The following PXDNL variants were observed in gnomAD, a reference collection of about 807,000 sequenced individuals.
PXDNL encodes the protein probable oxidoreductase PXDNL.
Under a neutral mutation model 150.8 loss-of-function variants are expected in PXDNL, and 145 were observed. The ratio of observed to expected loss-of-function variants is 0.96; its 90% CI spans 0.84 to 1.10. The LOEUF (loss-of-function observed/expected upper bound fraction) is 1.10. Ranked by LOEUF, PXDNL falls within the 50% of genes least tolerant of loss-of-function variation. The pLI is 0.00. For missense variants in PXDNL, 2,087 were observed against 1,873.9 expected, an observed-to-expected ratio of 1.11 and a Z score of -2.10; for synonymous variants, 757 against 725.7, an observed-to-expected ratio of 1.04 and a Z score of -0.69.
chr8:51,535,741 A>AT (rs1189603264), intron 4 of PXDNL, among the ~76,000 whole-genome samples: 1 of 147,314 alleles, frequency 6.8e-6, no homozygotes, highest in African/African-American at 2.6e-5. Flanking sequence ...AAATAAATAA[A>AT]AATAAAGTTT....
chr8:51,370,613 G>A (rs969851297), intron 19 of PXDNL, among the ~76,000 whole-genome samples: 2 of 152,114 alleles, frequency 1.3e-5, no homozygotes, highest in African/African-American at 4.8e-5. Flanking sequence ...CGTGACTCAG[G>A]TGTCATTGAG....
intron 2 of PXDNL, among the ~76,000 whole-genome samples, chr8:51,628,198 T>C (rs984975410): frequency 1.1e-4 from 16 of 152,022 alleles, no homozygotes; most frequent in Non-Finnish European, 1.9e-4. Context: ...TGTTTGCATT[T>C]TTTGGCTGAT....
chr8:51,565,928 T>C (rs1374664410), intron 3 of PXDNL, among the ~76,000 whole-genome samples: 1 of 151,894 alleles, frequency 6.6e-6, no homozygotes, highest in Non-Finnish European at 1.5e-5. Flanking sequence ...TTAAGCATTA[T>C]ATTAGCCATA....
At chr8:51,593,321 A>G (rs1178736228) in intron 2 of PXDNL, among the ~76,000 whole-genome samples, 1 of 152,202 alleles carries the variant, frequency 6.6e-6, no homozygotes, top group Non-Finnish European at 1.5e-5. Flanking sequence ...TGAAAGCTTC[A>G]GTAAAAGCAC....
At chr8:51,632,393 G>C (rs1814510652) in intron 2 of PXDNL, among the ~76,000 whole-genome samples, 1 of 152,082 alleles carries the variant, frequency 6.6e-6, no homozygotes, top group Non-Finnish European at 1.5e-5. Context: ...TTGAGCCCAG[G>C]AGTTCAAGAC....
intron 3 of PXDNL, among the ~76,000 whole-genome samples, chr8:51,559,796 A>G (rs554255158): frequency 7.2e-5 from 11 of 152,016 alleles, no homozygotes; most frequent in Non-Finnish European, 1.3e-4. Flanking sequence ...CCTTGCTAGC[A>G]TGGGGTAACT....
intron 3 of PXDNL, among the ~76,000 whole-genome samples, chr8:51,565,490 G>A (rs147995529): frequency 5.3e-4 from 80 of 151,560 alleles, no homozygotes; most frequent in African/African-American, 1.5e-3. Context: ...TAGGTACTCT[G>A]CACACTATAT....
At position 51,801,552 on chromosome 8, in the gene PXDNL, G is replaced by A. The variant is rs137924024; in HGVS notation, c.164+7629C>T. On this transcript the variant is annotated intron_variant, in intron 1 of 22. Coordinates refer to ENST00000356297, the MANE Select transcript of PXDNL (RefSeq NM_144651.5). ...CCTACTGATATGTGATGTCACCCCC[G>A]GAGGCCCAGCTGTAAAATTCCTCTC... Among the ~76,000 whole-genome samples the A allele has an allele frequency of 7.9e-3, 1,196 of 152,160 alleles. 17 individuals are homozygous for A. Among genetic ancestry groups the A allele is most frequent in the African/African-American group, 0.027 (1,128 of 41,498 alleles).
At chr8:51,523,499 C>T (rs1386415953) in intron 4 of PXDNL, among the ~76,000 whole-genome samples, 1 of 152,188 alleles carries the variant, frequency 6.6e-6, no homozygotes, top group Admixed American at 6.5e-5. Flanking sequence ...TCAGTTCTGT[C>T]TCAAATATCT....
intron 17 of PXDNL, among the ~76,000 whole-genome samples, chr8:51,377,999 C>T (rs1807395375): frequency 6.6e-6 from 1 of 152,222 alleles, no homozygotes; most frequent in East Asian, 1.9e-4. Context: ...CTAGTGGGGA[C>T]TTGGAGAACC....
chr8:51,522,557 A>T (rs796186185), intron 4 of PXDNL, among the ~76,000 whole-genome samples: 11 of 152,330 alleles, frequency 7.2e-5, no homozygotes, highest in African/African-American at 2.4e-4. Context: ...TTATAAGAGA[A>T]TGTAAGGCCG....
intron 17 of PXDNL, among the ~76,000 whole-genome samples, chr8:51,381,582 T>A (rs1213550562): frequency 2.0e-5 from 3 of 152,128 alleles, no homozygotes; most frequent in Non-Finnish European, 4.4e-5. Context: ...AAGTTAAGAT[T>A]AGGTCATTAG....
intron 5 of PXDNL, among the ~76,000 whole-genome samples, chr8:51,493,227 T>C (rs1391462380): frequency 6.6e-6 from 1 of 152,190 alleles, no homozygotes; most frequent in Admixed American, 6.5e-5. Context: ...GGGTCCTGAC[T>C]GTTAGAAGGA....
chr8:51,417,647 A>C (rs77966568), intron 14 of PXDNL, among the ~76,000 whole-genome samples: 3,728 of 152,294 alleles, frequency 0.024, 63 homozygotes, highest in East Asian at 0.074. Flanking sequence ...GAAAATTAGC[A>C]GATAATGTAA....
chr8:51,582,706 A>C (rs537826988), intron 3 of PXDNL, among the ~76,000 whole-genome samples: 1 of 152,310 alleles, frequency 6.6e-6, no homozygotes, highest in East Asian at 1.9e-4. Context: ...ATCAATTATG[A>C]TAAAATTATA....
At chr8:51,590,113 C>T (rs1813411282) in intron 3 of PXDNL, among the ~76,000 whole-genome samples, 1 of 152,088 alleles carries the variant, frequency 6.6e-6, no homozygotes, top group African/African-American at 2.4e-5. Flanking sequence ...TGTTCCAGCA[C>T]AGTGCATGAC....
chr8:51,348,360 G>T (rs1806225900), intron 19 of PXDNL, among the ~76,000 whole-genome samples: 1 of 152,100 alleles, frequency 6.6e-6, no homozygotes. Context: ...AACACTGCAG[G>T]TATACACAGA....
intron 4 of PXDNL, among the ~76,000 whole-genome samples, chr8:51,552,383 T>C (rs117181886): frequency 0.035 from 5,302 of 152,286 alleles, 107 homozygotes; most frequent in Non-Finnish European, 0.05. Flanking sequence ...TGCACAACTA[T>C]GTTTATAGCA....
intron 17 of PXDNL, among the ~76,000 whole-genome samples, chr8:51,379,790 C>T (rs935671397): frequency 7.2e-5 from 11 of 152,192 alleles, no homozygotes; most frequent in African/African-American, 2.6e-4. Flanking sequence ...TTTTGCCTCT[C>T]AGATTTAATT....
Sources: allele counts gnomAD v4.1 joint callset (sites outside exome capture counted in the v4.1 genomes callset), GRCh38; gene constraint gnomAD v4.1.1; transcripts MANE v1.5; gene names NCBI Gene and HGNC (gene_info 2026-07-23, HGNC 2026-07-21).